ZNF644: variants seen among roughly 807,000 people sequenced by gnomAD.
The protein encoded by ZNF644 is zinc finger protein 644, also known as zinc finger motif enhancer binding protein 2.
ZNF644 carries 20 observed loss-of-function variants against 108.0 expected under a neutral mutation model. That is an observed-to-expected ratio of 0.19 (90% CI 0.13 to 0.27). ZNF644 has a LOEUF of 0.27. Among genes scored for constraint, ZNF644 ranks in the 10% least tolerant of loss-of-function variants. The probability of loss-of-function intolerance (pLI) is 1.00; values close to 1 mark genes in which losing one functional copy is unlikely to be tolerated. For synonymous variants in ZNF644, 542 were observed against 539.1 expected (o/e 1.01, Z -0.08); for missense variants, 1,338 against 1,548.9 (o/e 0.86, Z 2.29).
intron 1 of ZNF644, among the ~76,000 whole-genome samples, chr1:91,004,002 T>C (rs1221554837): frequency 6.6e-6 from 1 of 152,026 alleles, no homozygotes; most frequent in Non-Finnish European, 1.5e-5. Context: ...TCAACTGAGA[T>C]TATCCAGTCT....
rs368414161 is a variant in ZNF644 at position 90,938,625 on chromosome 1, T to C, written c.2729A>G (p.Tyr910Cys). ...QEPGENATLS[Y>C]DQNDGFYFEY... ...AAAATAAAAGCCATCGTTTTGGTCA[T>C]AACTAAGAGTAGCATTTTCTCCAGG... Residue 910 changes from tyrosine to cysteine, a missense_variant, in exon 3 of 6, where the codon TAT (tyrosine) becomes TGT (cysteine). By Grantham distance (194) the Tyr-to-Cys change is radical (BLOSUM62 -2). Transcript: ENST00000337393. This position sits in a 1 kb window ranked among gnomAD's most constrained non-coding sequence, Gnocchi z 4.2. 1.9e-6 allele frequency: 3 copies of C among 1,610,850 alleles called. No individual in the cohort carries two copies. In the African/African-American group the frequency reaches 4.0e-5, roughly 22 times the overall value.
chr1:90,950,627 C>T (rs1653051810), intron 2 of ZNF644, among the ~76,000 whole-genome samples: 1 of 151,868 alleles, frequency 6.6e-6, no homozygotes, highest in Non-Finnish European at 1.5e-5. Flanking sequence ...GAAAAACTGA[C>T]AAATCAACAG....
At chr1:91,010,765 T>C (rs1438223263) in intron 1 of ZNF644, among the ~76,000 whole-genome samples, 1 of 152,216 alleles carries the variant, frequency 6.6e-6, no homozygotes, top group Non-Finnish European at 1.5e-5. Context: ...GTGCTCTATG[T>C]ATATGCAACC....
intron 4 of ZNF644, among the ~76,000 whole-genome samples, chr1:90,932,938 T>C (rs1204915748): frequency 2.0e-5 from 3 of 152,192 alleles, no homozygotes; most frequent in Non-Finnish European, 4.4e-5. Context: ...ACGCTTTCTA[T>C]TTCCTAGTAC....
intron 1 of ZNF644, among the ~76,000 whole-genome samples, chr1:91,008,380 A>G (rs1011506878): frequency 1.4e-4 from 22 of 152,270 alleles, no homozygotes; most frequent in Non-Finnish European, 2.5e-4. Flanking sequence ...TTCTAGACTA[A>G]TTCTAGGCCT....
Position 90,940,250 on chromosome 1 carries a change from A to T in ZNF644, c.1104T>A (p.Asp368Glu). Residue 368 changes from aspartate to glutamate, a missense_variant, in exon 3 of 6, where the codon GAT (aspartate) becomes GAA (glutamate). By Grantham distance (45) the Asp-to-Glu change is conservative. This residue lies in a region of ZNF644 where 464 missense variants were observed against 457.9 expected (regional missense o/e 1.01). Transcript: ENST00000337393. ...DAFQHLIYNPDKCGEESSPVH... is the reference protein window; with the variant it reads ...DAFQHLIYNPEKCGEESSPVH... ...CAGGTGAACTCTCTTCTCCACACTT[A>T]TCTGGGTTATAAATTAGATGTTGGA... 6.2e-7 allele frequency: 1 copy of T among 1,613,990 alleles called. No individual in the cohort carries two copies. The highest frequency in any genetic ancestry group is 8.5e-7 in the Non-Finnish European group (1 of 1,179,944).
intron 2 of ZNF644, among the ~76,000 whole-genome samples, chr1:90,975,174 T>A (rs1655871206): frequency 6.6e-6 from 1 of 152,200 alleles, no homozygotes. Context: ...TATATTAAAG[T>A]ACTGAATATA....
intron 4 of ZNF644, chr1:90,935,392 A>G (rs1651210325): frequency 1.0e-6 from 1 of 985,896 alleles, no homozygotes; most frequent in Non-Finnish European, 1.2e-6. Context: ...TTGCTGTGAT[A>G]TCTGTTCAAA....
intron 2 of ZNF644, among the ~76,000 whole-genome samples, chr1:90,980,969 T>C (rs1014253284): frequency 6.6e-6 from 1 of 151,952 alleles, no homozygotes; most frequent in Non-Finnish European, 1.5e-5. Context: ...AACTATACCA[T>C]AATAAAAAAG....
At chr1:91,017,541 C>T (rs1385456875) in intron 1 of ZNF644, among the ~76,000 whole-genome samples, 4 of 152,246 alleles carry the variant, frequency 2.6e-5, no homozygotes, top group Non-Finnish European at 5.9e-5. Context: ...TGGAAAGTTA[C>T]TCTCACAGGG....
chr1:91,000,127 A>G (rs183498840), intron 1 of ZNF644, among the ~76,000 whole-genome samples: 1,923 of 152,268 alleles, frequency 0.013, 38 homozygotes, highest in African/African-American at 0.044. Flanking sequence ...TAGACAGATC[A>G]ACAAGACAGA....
intron 1 of ZNF644, among the ~76,000 whole-genome samples, chr1:91,010,122 ACTT>A (rs1466461676): frequency 6.6e-6 from 1 of 151,700 alleles, no homozygotes; most frequent in Non-Finnish European, 1.5e-5. Flanking sequence ...TCTAATCCAA[ACTT>A]CTTTAGATCC....
At chr1:91,001,004 A>C (rs1279248405) in intron 1 of ZNF644, among the ~76,000 whole-genome samples, 1 of 152,246 alleles carries the variant, frequency 6.6e-6, no homozygotes, top group African/African-American at 2.4e-5. Flanking sequence ...GAATCCCTGA[A>C]TAGACCAATA....
rs755165891 is a variant in ZNF644, at chr1:90,940,745, G to A, written c.609C>T (p.Asp203=). The A allele has an allele frequency of 2.0e-5, 33 of 1,613,976 alleles. No homozygotes were observed. In the South Asian group the frequency reaches 3.5e-4, roughly 17 times the overall value. The change falls in exon 3 of 6, where the codon GAC becomes GAT. Residue 203 remains aspartate, a synonymous_variant. Coordinates refer to ENST00000337393, the MANE Select transcript of ZNF644 (RefSeq NM_201269.3). ...KLPTSASVGC[D]IQNSVGSNIK... is the part of the protein sequence containing the mutation. Reference sequence around the variant, plus strand: ...TATTACTCCCTACTGAATTCTGAATGTCACAACCAACTGAAGCAGAGGTAG... The same window carrying A: ...TATTACTCCCTACTGAATTCTGAATATCACAACCAACTGAAGCAGAGGTAG...
At chr1:90,933,599 G>C (rs183631812) in intron 4 of ZNF644, among the ~76,000 whole-genome samples, 7 of 152,164 alleles carry the variant, frequency 4.6e-5, no homozygotes, top group Admixed American at 4.6e-4. Context: ...GGGAGGTGGA[G>C]GTTGCAGTGA....
chr1:90,954,686 C>T (rs916865748), intron 2 of ZNF644, among the ~76,000 whole-genome samples: 2 of 152,120 alleles, frequency 1.3e-5, no homozygotes, highest in African/African-American at 2.4e-5. Context: ...GGATTACAGG[C>T]GTGAGCCATG....
intron 4 of ZNF644, among the ~76,000 whole-genome samples, chr1:90,930,248 T>G (rs1389741435): frequency 6.6e-6 from 1 of 152,150 alleles, no homozygotes; most frequent in Non-Finnish European, 1.5e-5. Context: ...ACTGCACCAT[T>G]GCACTCCAGC....
intron 2 of ZNF644, among the ~76,000 whole-genome samples, chr1:90,942,215 A>G (rs1049310026): frequency 1.3e-5 from 2 of 152,200 alleles, no homozygotes; most frequent in Non-Finnish European, 2.9e-5. Flanking sequence ...TAGCATAAAC[A>G]TATGTTTTAA....
chr1:90,937,397 A>G, intron 4 of ZNF644, 88 bp downstream of exon 4: 2 of 1,573,476 alleles, frequency 1.3e-6, no homozygotes, highest in Non-Finnish European at 8.7e-7. Context: ...AGATTGTGAG[A>G]AAGTATTTTC....
Sources: gnomAD v4.1 joint callset for allele counts (sites outside exome capture counted in the v4.1 genomes callset) on GRCh38, gnomAD v4.1.1 for gene constraint, gnomAD v4.1.1 regional missense constraint, Gnocchi (gnomAD v3.1) non-coding constraint, MANE v1.5 for transcripts, NCBI Gene and HGNC (gene_info 2026-07-23, HGNC 2026-07-21) for gene names.